The following PSD2 variants were observed in gnomAD, a reference collection of about 807,000 sequenced individuals.
PSD2 encodes pleckstrin and Sec7 domain containing 2, also known as PH and SEC7 domain-containing protein 2.
In PSD2, 38 loss-of-function variants were observed where a neutral mutation model predicts 69.8. The ratio of observed to expected loss-of-function variants is 0.54; its 90% confidence interval spans 0.42 to 0.71. The LOEUF (loss-of-function observed/expected upper bound fraction) is 0.71. PSD2 is among the 30% of genes least tolerant of loss of function. The pLI, the probability that PSD2 is intolerant of heterozygous loss-of-function variation, is 0.00. For missense variants in PSD2, 943 were observed against 1,014.5 expected, an observed-to-expected ratio of 0.93 and a Z score of 0.96; for synonymous variants, 412 against 423.0, an observed-to-expected ratio of 0.97 and a Z score of 0.32.
intron 3 of PSD2, among the ~76,000 whole-genome samples, chr5:139,813,966 G>A (rs1401749251): frequency 1.3e-5 from 2 of 151,918 alleles, no homozygotes; most frequent in Non-Finnish European, 1.5e-5. Context: ...GGTAGAAGTC[G>A]GGGGAGTCAG....
intron 5 of PSD2, among the ~76,000 whole-genome samples, chr5:139,818,098 GTAGT>G (rs1760167826): frequency 1.3e-5 from 2 of 152,136 alleles, no homozygotes; most frequent in Admixed American, 1.3e-4. Context: ...GTGCAGCCCT[GTAGT>G]ATCTAGCAGG....
At chr5:139,766,241 G>A in the PSD2 span, among the ~76,000 whole-genome samples, 3 of 152,212 alleles carry the variant, frequency 2.0e-5, no homozygotes, top group African/African-American at 4.8e-5. Context: ...GTAGAAGGGG[G>A]CGATACAGGA....
At chr5:139,812,118 AC>A (rs1168285688) in intron 2 of PSD2, among the ~76,000 whole-genome samples, 32 of 152,334 alleles carry the variant, frequency 2.1e-4, no homozygotes, top group African/African-American at 7.2e-4. Context: ...AACAAAACAT[AC>A]AAACCCCTTG....
chr5:139,749,849 C>T, the PSD2 span, among the ~76,000 whole-genome samples: 2 of 110,660 alleles, frequency 1.8e-5, no homozygotes, highest in Non-Finnish European at 3.9e-5. Context: ...AACAAACAAA[C>T]AAAAACAAAC....
chr5:139,745,219 T>C, the PSD2 span: 11 of 152,280 alleles, frequency 7.2e-5, no homozygotes, highest in Non-Finnish European at 1.6e-4. Flanking sequence ...GTGAAGGCTA[T>C]GTAGAGTTGA....
the PSD2 span, among the ~76,000 whole-genome samples, chr5:139,752,760 G>A: frequency 1.3e-5 from 2 of 152,072 alleles, no homozygotes; most frequent in African/African-American, 4.8e-5. Context: ...ACAAGCTCTC[G>A]CCCCCAGCCC....
intron 8 of PSD2, among the ~76,000 whole-genome samples, chr5:139,835,469 CA>C (rs1760692922): frequency 6.6e-6 from 1 of 152,232 alleles, no homozygotes; most frequent in South Asian, 2.1e-4. Flanking sequence ...AACAAATGGA[CA>C]GCCTCTGACC....
the PSD2 span, among the ~76,000 whole-genome samples, chr5:139,761,210 G>C: frequency 6.6e-6 from 1 of 152,272 alleles, no homozygotes; most frequent in South Asian, 2.1e-4. Flanking sequence ...ATGACCACTT[G>C]TGAGTAAGAT....
chr5:139,805,443 C>G (rs1460536980), intron 1 of PSD2, among the ~76,000 whole-genome samples: 2 of 152,218 alleles, frequency 1.3e-5, no homozygotes, highest in Non-Finnish European at 2.9e-5. Context: ...CTGCTGTGTG[C>G]CAAGCATTGC....
chr5:139,823,828 C>A (rs991821541), intron 7 of PSD2, among the ~76,000 whole-genome samples: 1 of 152,242 alleles, frequency 6.6e-6, no homozygotes, highest in African/African-American at 2.4e-5. Flanking sequence ...GCTGGAAGAC[C>A]CAGCCTGCAG....
At chr5:139,793,527 ACAGGGGGCAGATC>A (rs1759456391), upstream of PSD2, among the ~76,000 whole-genome samples, 1 of 152,212 alleles carries the variant, frequency 6.6e-6, no homozygotes. Context: ...GCTACAAAGG[ACAGGGGGCAGATC>A]CAGGGGGCAG....
chr5:139,828,201 T>G (rs548670873), intron 7 of PSD2, among the ~76,000 whole-genome samples: 9 of 152,010 alleles, frequency 5.9e-5, no homozygotes, highest in Non-Finnish European at 1.3e-4. Context: ...AGAGGTATTT[T>G]TGTTGCACAG....
chr5:139,817,399 C>T (rs1760147435), intron 4 of PSD2, 82 bp from the exon 5 acceptor site: 2 of 1,314,480 alleles, frequency 1.5e-6, no homozygotes. Context: ...GTCCGGGTAC[C>T]CTGGGCCCAA....
chr5:139,761,943 G>A, the PSD2 span, among the ~76,000 whole-genome samples: 1 of 152,220 alleles, frequency 6.6e-6, no homozygotes, highest in Admixed American at 6.5e-5. Context: ...AGGACCTGAG[G>A]AGGGTCATTT....
At chr5:139,826,647 T>C (rs970095395) in intron 7 of PSD2, among the ~76,000 whole-genome samples, 15 of 152,268 alleles carry the variant, frequency 9.9e-5, no homozygotes, top group African/African-American at 3.4e-4. Flanking sequence ...AGGATGGGTT[T>C]AGTTAAGGTC....
At chr5:139,804,226 T>C (rs1297498652) in intron 1 of PSD2, among the ~76,000 whole-genome samples, 1 of 151,992 alleles carries the variant, frequency 6.6e-6, no homozygotes, top group Non-Finnish European at 1.5e-5. Context: ...GAATCTTGGG[T>C]TGGGATTTTG....
At chr5:139,812,075 A>G (rs1759981858) in intron 2 of PSD2, among the ~76,000 whole-genome samples, 1 of 152,042 alleles carries the variant, frequency 6.6e-6, no homozygotes, top group African/African-American at 2.4e-5. Context: ...CAGGTCATCT[A>G]TGTGCGATGC....
At chr5:139,749,022 G>T in the PSD2 span, among the ~76,000 whole-genome samples, 3 of 152,130 alleles carry the variant, frequency 2.0e-5, no homozygotes, top group Non-Finnish European at 4.4e-5. Context: ...CTTCCTTAAA[G>T]GTGGCAGTTA....
At position 139,837,642 on chromosome 5, in the gene PSD2, C is replaced by A. The variant is rs1561608892; in HGVS notation, c.1683C>A (p.Asp561Glu). 1 of 1,611,956 alleles carries A rather than the reference C, an allele frequency of 6.2e-7. No homozygotes were observed. The highest frequency in any genetic ancestry group is 8.5e-7 in the Non-Finnish European group (1 of 1,178,468). The change falls in exon 12 of 15, where the codon GAC (aspartate) becomes GAA (glutamate). Residue 561 changes from aspartate to glutamate, a missense_variant. Coordinates refer to ENST00000274710, the MANE Select transcript of PSD2 (RefSeq NM_032289.4). This position sits in a 1 kb window ranked among gnomAD's most constrained non-coding sequence, Gnocchi z 5.0. ...CCACCCAGGATGAGTACAGGCCTGA[C>A]AAAGCTCTATCGGAGGGTGACCTGA... The part of the protein sequence containing the change: ...LYLQKDEYRP[D>E]KALSEGDLKN...
Sources: gnomAD v4.1 joint callset for allele counts (sites outside exome capture counted in the v4.1 genomes callset) on GRCh38, gnomAD v4.1.1 for gene constraint, Gnocchi (gnomAD v3.1) non-coding constraint, MANE v1.5 for transcripts, NCBI Gene and HGNC (gene_info 2026-07-23, HGNC 2026-07-21) for gene names.